CLASP1: variants seen among roughly 807,000 people sequenced by gnomAD.
CLASP1 encodes the protein cytoplasmic linker associated protein 1, also known as CLIP-associating protein 1.
In CLASP1, 38 loss-of-function variants were observed where a neutral mutation model predicts 192.3. The ratio of observed to expected loss-of-function variants is 0.20; its 90% CI spans 0.15 to 0.26. CLASP1 has a LOEUF of 0.26. CLASP1 is among the 10% of genes least tolerant of loss of function. CLASP1 has a pLI of 1.00. For missense variants in CLASP1, 1,433 were observed against 1,932.5 expected (o/e 0.74, Z 4.85); for synonymous variants, 691 against 712.8 (o/e 0.97, Z 0.49).
chr2:121,361,024 A>C (rs1373022956), intron 37 of CLASP1, among the ~76,000 whole-genome samples: 2 of 152,234 alleles, frequency 1.3e-5, no homozygotes, highest in Non-Finnish European at 2.9e-5. Context: ...AATGTTGTTA[A>C]CTTATACTTC....
chr2:121,578,179 CACCTCGGCATCCCA>C (rs2060728440), intron 2 of CLASP1, among the ~76,000 whole-genome samples: 1 of 151,930 alleles, frequency 6.6e-6, no homozygotes, highest in Non-Finnish European at 1.5e-5. Flanking sequence ...GCAATCCGCC[CACCTCGGCATCCCA>C]AAGTGCAAGG....
intron 24 of CLASP1, among the ~76,000 whole-genome samples, chr2:121,408,049 T>C (rs2077177160): frequency 6.6e-6 from 1 of 152,172 alleles, no homozygotes; most frequent in Non-Finnish European, 1.5e-5. Context: ...TTTGCTTCAG[T>C]TTCCCCATCT....
At chr2:121,618,617 T>C (rs1409686330) in intron 1 of CLASP1, among the ~76,000 whole-genome samples, 2 of 152,214 alleles carry the variant, frequency 1.3e-5, no homozygotes, top group Non-Finnish European at 2.9e-5. Context: ...ACTGAGAAAG[T>C]ATTCATATTT....
intron 8 of CLASP1, among the ~76,000 whole-genome samples, chr2:121,474,694 T>C (rs1043043918): frequency 6.6e-6 from 1 of 152,170 alleles, no homozygotes; most frequent in Non-Finnish European, 1.5e-5. Context: ...CAAGATCGCA[T>C]CACTGCCCTC....
At chr2:121,396,192 T>C (rs1287045570) in intron 30 of CLASP1, among the ~76,000 whole-genome samples, 1 of 152,208 alleles carries the variant, frequency 6.6e-6, no homozygotes, top group Non-Finnish European at 1.5e-5. Context: ...ATTATGGTCC[T>C]AGAACCTGGG....
At chr2:121,547,376 T>A (rs2057555831) in intron 2 of CLASP1, among the ~76,000 whole-genome samples, 1 of 151,950 alleles carries the variant, frequency 6.6e-6, no homozygotes, top group Non-Finnish European at 1.5e-5. Flanking sequence ...CTAGTCCGTC[T>A]CCCAAGGGCC....
At chr2:121,508,485 T>C (rs1477213839) in intron 7 of CLASP1, among the ~76,000 whole-genome samples, 1 of 152,176 alleles carries the variant, frequency 6.6e-6, no homozygotes, top group Non-Finnish European at 1.5e-5. Context: ...ATAGCACACC[T>C]GCAGACATAA....
intron 2 of CLASP1, among the ~76,000 whole-genome samples, chr2:121,574,346 C>A (rs1259165875): frequency 7.3e-6 from 1 of 137,784 alleles, no homozygotes; most frequent in Non-Finnish European, 1.5e-5. Context: ...AAAAAAAAAT[C>A]ACTGATGGCT....
intron 26 of CLASP1, 35 bp from the exon 28 acceptor site, chr2:121,401,905 A>C (rs1261970767): frequency 1.5e-6 from 1 of 685,604 alleles, no homozygotes; most frequent in African/African-American, 1.7e-5. Context: ...AGGCCATGCA[A>C]CAAAACAAAT....
At chr2:121,581,912 G>T (rs2061214500) in intron 2 of CLASP1, among the ~76,000 whole-genome samples, 1 of 151,980 alleles carries the variant, frequency 6.6e-6, no homozygotes, top group Admixed American at 6.6e-5. Flanking sequence ...TCCAGGCACA[G>T]TGGCTCATGA....
chr2:121,401,715 C>T (rs752482923), intron 27 of CLASP1, 43 bp from the exon 29 acceptor site: 26 of 1,518,588 alleles, frequency 1.7e-5, no homozygotes, highest in African/African-American at 2.8e-5. Flanking sequence ...ATTGAATTCA[C>T]GATCTCCTCC....
intron 20 of CLASP1, among the ~76,000 whole-genome samples, chr2:121,428,017 C>T (rs2080744810): frequency 6.6e-6 from 1 of 152,136 alleles, no homozygotes; most frequent in African/African-American, 2.4e-5. Flanking sequence ...TATGCATAAG[C>T]TTAAGGTATA....
chr2:121,630,853 T>C lies in CLASP1; in HGVS notation c.-286+18519A>G, dbSNP rs554223700. On this transcript the variant is annotated intron_variant, in intron 1 of 39. Coordinates refer to ENST00000263710, the Ensembl canonical transcript of CLASP1. ...CCAGCCTGGACAACAAGAGCGAAAC[T>C]ACGTCTCAAAAAAAAAAAAAAAGAG... Among the ~76,000 whole-genome samples the C allele has an allele frequency of 2.8e-3, 295 of 105,294 alleles. 1 individual carries two copies. Among genetic ancestry groups the C allele is most frequent in the African/African-American group, 9.6e-3 (233 of 24,330 alleles). The allele number at this position is 105,294 out of a possible 152,430, so 69.1% of individuals were successfully genotyped here.
intron 22 of CLASP1, among the ~76,000 whole-genome samples, chr2:121,422,283 T>C (rs2079637098): frequency 6.6e-6 from 1 of 152,244 alleles, no homozygotes; most frequent in African/African-American, 2.4e-5. Flanking sequence ...CTAGACATTT[T>C]CATGTCTTGG....
intron 6 of CLASP1, among the ~76,000 whole-genome samples, chr2:121,518,623 T>C (rs2094383387): frequency 6.6e-6 from 1 of 152,100 alleles, no homozygotes. Context: ...ATCCCAGCAC[T>C]TTGGGTGGCC....
intron 2 of CLASP1, among the ~76,000 whole-genome samples, chr2:121,543,935 T>C (rs928122085): frequency 1.3e-5 from 2 of 152,112 alleles, no homozygotes; most frequent in Non-Finnish European, 2.9e-5. Flanking sequence ...CACAACAATA[T>C]TTTGAGGCAA....
At chr2:121,489,730 C>T (rs1387475521) in intron 8 of CLASP1, among the ~76,000 whole-genome samples, 1 of 152,186 alleles carries the variant, frequency 6.6e-6, no homozygotes, top group East Asian at 1.9e-4. Context: ...GTGAGCAATA[C>T]TTCTTTTGTA....
chr2:121,561,047 C>T (rs576069653), intron 2 of CLASP1, among the ~76,000 whole-genome samples: 3 of 152,354 alleles, frequency 2.0e-5, no homozygotes, highest in Non-Finnish European at 4.4e-5. Flanking sequence ...GCTGGGATTA[C>T]AGGCATGGGC....
intron 20 of CLASP1, among the ~76,000 whole-genome samples, chr2:121,427,812 A>G (rs1212751756): frequency 1.3e-5 from 2 of 152,196 alleles, no homozygotes; most frequent in Non-Finnish European, 2.9e-5. Context: ...AACTGCTGTT[A>G]ACTAGTTTCA....
Sources: gnomAD v4.1 joint callset for allele counts (sites outside exome capture counted in the v4.1 genomes callset) on GRCh38, gnomAD v4.1.1 for gene constraint, MANE v1.5 for transcripts, NCBI Gene and HGNC (gene_info 2026-07-23, HGNC 2026-07-21) for gene names.